PRKCA: variants seen among roughly 807,000 people sequenced by gnomAD.
PRKCA encodes protein kinase C alpha type.
A neutral mutation model predicts 87.0 loss-of-function variants in PRKCA; 27 were observed. That is an observed-to-expected ratio of 0.31 (90% CI 0.23 to 0.43). The LOEUF (loss-of-function observed/expected upper bound fraction) is 0.43. Among genes scored for constraint, PRKCA ranks in the 20% least tolerant of loss-of-function variants. The pLI, the probability that PRKCA is intolerant of heterozygous loss-of-function variation, is 1.00. For synonymous variants in PRKCA, 329 were observed against 311.1 expected (o/e 1.06, Z -0.61); for missense variants, 518 against 852.3 (o/e 0.61, Z 4.88).
chr17:66,408,927 C>A (rs1207378451), intron 2 of PRKCA, among the ~76,000 whole-genome samples: 1 of 149,820 alleles, frequency 6.7e-6, no homozygotes, highest in Non-Finnish European at 1.5e-5. Flanking sequence ...TGGTGTGCGC[C>A]TGTAATCCCA....
intron 2 of PRKCA, among the ~76,000 whole-genome samples, chr17:66,406,301 T>C (rs374784765): frequency 6.6e-6 from 1 of 152,188 alleles, no homozygotes; most frequent in African/African-American, 2.4e-5. Flanking sequence ...GTTTAGTTGC[T>C]TTACTATGAA....
intron 5 of PRKCA, among the ~76,000 whole-genome samples, chr17:66,663,841 G>T (rs779233693): frequency 6.7e-6 from 1 of 149,474 alleles, no homozygotes; most frequent in Non-Finnish European, 1.5e-5. Flanking sequence ...AGTGTTTTTT[G>T]TTGTTGTTGT....
chr17:66,404,742 C>CTTTTTTTTTTTTT lies in PRKCA; in HGVS notation c.206-91444_206-91432dup. ...CTGGCTGCTGGAAAGGATGGTAGGC[C>CTTTTTTTTTTTTT]TTTTTTTTTTTTTTTTTTTTTTTTT... On this transcript the variant is annotated intron_variant, in intron 2 of 16. Transcript: ENST00000413366. 2.1e-3 allele frequency among the ~76,000 whole-genome samples: 112 copies of CTTTTTTTTTTTTT among 54,232 alleles called. 31 individuals are homozygous for CTTTTTTTTTTTTT. The highest frequency in any genetic ancestry group is 3.2e-3 in the South Asian group (3 of 930). 35.6% of individuals were successfully genotyped at this position (54,232 alleles called of 152,430 possible).
chr17:66,677,615 T>C (rs1267741410), intron 5 of PRKCA, among the ~76,000 whole-genome samples: 2 of 152,234 alleles, frequency 1.3e-5, no homozygotes, highest in African/African-American at 4.8e-5. Flanking sequence ...CAGAGGTTAA[T>C]GCCCAGGCCC....
intron 2 of PRKCA, among the ~76,000 whole-genome samples, chr17:66,481,189 A>T (rs1915761105): frequency 6.6e-6 from 1 of 152,152 alleles, no homozygotes; most frequent in Non-Finnish European, 1.5e-5. Flanking sequence ...CTCCACTTGT[A>T]TGATCCTGAA....
Position 66,365,020 on chromosome 17 carries a change from A to C in PRKCA, c.205+58893A>C, listed in dbSNP as rs190866654. On this transcript the variant is annotated intron_variant, in intron 2 of 16. Coordinates refer to ENST00000413366, the MANE Select transcript of PRKCA (RefSeq NM_002737.3). Reference sequence around the variant, plus strand: ...GTGTTTAAAAAGTCCCCAAAGGTCTATCTGTAAGAATCTTTGAAAAGACAC... The same window carrying C: ...GTGTTTAAAAAGTCCCCAAAGGTCTCTCTGTAAGAATCTTTGAAAAGACAC... Among the ~76,000 whole-genome samples the C allele has an allele frequency of 1.2e-4, 18 of 152,366 alleles. No individual in the cohort carries two copies. In the East Asian group the frequency reaches 1.9e-3, roughly 16 times the overall value.
chr17:66,437,751 C>CG (rs1288861718), intron 2 of PRKCA, among the ~76,000 whole-genome samples: 2 of 8,348 alleles, frequency 2.4e-4, no homozygotes, highest in Admixed American at 1.8e-3. Context: ...GTGGGTGGGG[C>CG]GGGGGCGGCT....
chr17:66,590,812 T>C (rs1969780537), intron 3 of PRKCA, among the ~76,000 whole-genome samples: 1 of 151,870 alleles, frequency 6.6e-6, no homozygotes, highest in Non-Finnish European at 1.5e-5. Flanking sequence ...ATCACGCTAC[T>C]GCACTCCAGC....
At chr17:66,477,080 C>G (rs751262511) in intron 2 of PRKCA, among the ~76,000 whole-genome samples, 1 of 152,146 alleles carries the variant, frequency 6.6e-6, no homozygotes, top group Non-Finnish European at 1.5e-5. Context: ...CTGTCCCACC[C>G]ACCCTACCAG....
intron 8 of PRKCA, among the ~76,000 whole-genome samples, chr17:66,693,275 G>T (rs933745967): frequency 3.3e-5 from 5 of 152,160 alleles, no homozygotes; most frequent in African/African-American, 9.7e-5. Context: ...CCAGAACCTT[G>T]ATTGCGATAC....
At chr17:66,631,284 C>T (rs1000187284) in intron 3 of PRKCA, among the ~76,000 whole-genome samples, 9 of 151,994 alleles carry the variant, frequency 5.9e-5, no homozygotes, top group East Asian at 3.8e-4. Context: ...AGTAGGTGTA[C>T]GGTAAATAAT....
chr17:66,674,168 C>G (rs775366335), intron 5 of PRKCA, among the ~76,000 whole-genome samples: 1 of 152,152 alleles, frequency 6.6e-6, no homozygotes, highest in Non-Finnish European at 1.5e-5. Flanking sequence ...GGGGTGTGGC[C>G]CTTGCCCTCA....
chr17:66,472,264 G>A (rs1051236750), intron 2 of PRKCA, among the ~76,000 whole-genome samples: 6 of 152,164 alleles, frequency 3.9e-5, no homozygotes, highest in African/African-American at 1.4e-4. Context: ...AACCAATGAG[G>A]CAACCTCCAT....
intron 3 of PRKCA, among the ~76,000 whole-genome samples, chr17:66,533,419 G>C (rs556201352): frequency 6.6e-6 from 1 of 152,200 alleles, no homozygotes; most frequent in Non-Finnish European, 1.5e-5. Context: ...GTATTGGCCT[G>C]TCCTGACCCC....
At chr17:66,334,365 A>AGT (rs1332022455) in intron 2 of PRKCA, among the ~76,000 whole-genome samples, 5 of 152,196 alleles carry the variant, frequency 3.3e-5, no homozygotes, top group Non-Finnish European at 7.3e-5. Flanking sequence ...TGTCTTTTTA[A>AGT]GTGTGTGTGT....
intron 2 of PRKCA, among the ~76,000 whole-genome samples, chr17:66,412,984 C>T (rs1380115199): frequency 6.6e-6 from 1 of 152,144 alleles, no homozygotes; most frequent in Non-Finnish European, 1.5e-5. Context: ...CTGCACCCCC[C>T]ACAACACACA....
chr17:66,761,738 T>C (rs1974690580), intron 13 of PRKCA, among the ~76,000 whole-genome samples: 1 of 152,132 alleles, frequency 6.6e-6, no homozygotes, highest in Non-Finnish European at 1.5e-5. Flanking sequence ...TTCTTTTTTT[T>C]TTATATAATG....
chr17:66,498,323 C>T (rs1174415510), intron 3 of PRKCA, among the ~76,000 whole-genome samples: 1 of 152,180 alleles, frequency 6.6e-6, no homozygotes, highest in Non-Finnish European at 1.5e-5. Flanking sequence ...TAGCCTTTCA[C>T]TTCCTTGCTC....
At chr17:66,743,494 A>G (rs190921806) in intron 13 of PRKCA, among the ~76,000 whole-genome samples, 1 of 152,352 alleles carries the variant, frequency 6.6e-6, no homozygotes, top group Non-Finnish European at 1.5e-5. Context: ...TGTGGTTCTA[A>G]GCAAAATGGT....
Sources: allele counts gnomAD v4.1 joint callset (sites outside exome capture counted in the v4.1 genomes callset), GRCh38; gene constraint gnomAD v4.1.1; transcripts MANE v1.5; gene names NCBI Gene and HGNC (gene_info 2026-07-23, HGNC 2026-07-21).